The following OPRM1 variants were observed in gnomAD, a reference collection of about 807,000 sequenced individuals.
The protein encoded by OPRM1 is opioid receptor mu 1, also known as mu-type opioid receptor.
Under a neutral mutation model 31.8 loss-of-function variants are expected in OPRM1, and 27 were observed. The ratio of observed to expected loss-of-function variants is 0.85; its 90% confidence interval spans 0.63 to 1.17. OPRM1 has a LOEUF of 1.17. Ranked by LOEUF, OPRM1 falls within the 50% of genes most tolerant of loss-of-function variation. OPRM1 has a pLI of 0.00. For missense variants in OPRM1, 536 were observed against 511.1 expected (o/e 1.05, Z -0.47); for synonymous variants, 196 against 189.9 (o/e 1.03, Z -0.26).
At chr6:154,244,362 C>T (rs1344740867) in intron 3 of OPRM1, among the ~76,000 whole-genome samples, 1 of 151,204 alleles carries the variant, frequency 6.6e-6, no homozygotes, top group Non-Finnish European at 1.5e-5. Flanking sequence ...GAGAATTCCC[C>T]TACATACCAT....
At chr6:154,079,131 CTT>C (rs1788542406) in intron 1 of OPRM1, among the ~76,000 whole-genome samples, 1 of 152,144 alleles carries the variant, frequency 6.6e-6, no homozygotes, top group South Asian at 2.1e-4. Flanking sequence ...AGGAAAAACT[CTT>C]TATGGGGAAA....
At chr6:154,101,434 T>A (rs1794818344) in intron 3 of OPRM1, among the ~76,000 whole-genome samples, 1 of 152,222 alleles carries the variant, frequency 6.6e-6, no homozygotes, top group African/African-American at 2.4e-5. Context: ...ATAGAATTTT[T>A]AAATGCTTCA....
rs1410199785 is a variant in OPRM1, at chr6:154,099,296, GAAGGAAGGAAGA to G, written c.1164+7836_1164+7847del. Among the ~76,000 whole-genome samples the G allele has an allele frequency of 4.6e-3, 338 of 74,268 alleles. 1 individual carries two copies. The highest frequency in any genetic ancestry group is 9.7e-3 in the South Asian group (13 of 1,342). 48.7% of individuals were successfully genotyped at this position (74,268 alleles called of 152,430 possible). On this transcript the variant is annotated intron_variant, in intron 3 of 3. Transcript: ENST00000330432. ...TGAGAGTCTGTCGAAAGGAAGGAAG[GAAGGAAGGAAGA>G]AAGGAAGGAAGGAAGGAAGGAAGGG...
intron 3 of OPRM1, among the ~76,000 whole-genome samples, chr6:154,140,393 C>T (rs554830165): frequency 2.0e-4 from 31 of 151,558 alleles, no homozygotes; most frequent in African/African-American, 7.3e-4. Flanking sequence ...TGCAGTGGCA[C>T]GATCTCAGAT....
At chr6:154,017,713 A>G (rs1244449167) in intron 1 of OPRM1, among the ~76,000 whole-genome samples, 1 of 152,190 alleles carries the variant, frequency 6.6e-6, no homozygotes, top group Non-Finnish European at 1.5e-5. Context: ...TCGATTTCCC[A>G]TTCTGCTATT....
rs1429853784 is a variant in OPRM1 at position 154,122,039 on chromosome 6, ATACTGCAGAAGCTGATAC to A, written c.*3321_*3338del. Among the ~76,000 whole-genome samples the A allele has an allele frequency of 6.6e-6, 1 of 152,190 alleles. No homozygotes were observed. The highest frequency in any genetic ancestry group is 1.5e-5 in the Non-Finnish European group (1 of 68,026). On this transcript the variant is annotated 3_prime_UTR_variant, in exon 4 of 4. Transcript: ENST00000330432. Reference sequence around the variant, plus strand: ...GAAATTTCTCCAGCTTACGCCATGAATACTGCAGAAGCTGATACTATCCGTTGTGGTTTTACAAATTCT... The same window carrying A: ...GAAATTTCTCCAGCTTACGCCATGAATATCCGTTGTGGTTTTACAAATTCT...
At chr6:154,204,718 C>T (rs569675325) in intron 3 of OPRM1, among the ~76,000 whole-genome samples, 2 of 152,234 alleles carry the variant, frequency 1.3e-5, no homozygotes, top group Admixed American at 6.5e-5. Flanking sequence ...CTTATCAGTG[C>T]CCCCCATCCC....
At chr6:154,159,700 T>G in intron 3 of OPRM1, 1 of 710,078 alleles carries the variant, frequency 1.4e-6, no homozygotes, top group Non-Finnish European at 2.4e-6. Flanking sequence ...AACGTGCATC[T>G]TTAGATGGGA....
At chr6:154,203,819 C>A (rs1221787435) in intron 3 of OPRM1, among the ~76,000 whole-genome samples, 1 of 152,142 alleles carries the variant, frequency 6.6e-6, no homozygotes, top group Non-Finnish European at 1.5e-5. Flanking sequence ...TTGGCCAGAA[C>A]CAGCTTTGTG....
intron 3 of OPRM1, among the ~76,000 whole-genome samples, chr6:154,194,787 T>C (rs1776451099): frequency 1.3e-5 from 2 of 149,444 alleles, no homozygotes; most frequent in Non-Finnish European, 3.0e-5. Flanking sequence ...TGACAACTCA[T>C]AGAGATCTTT....
chr6:154,176,576 T>C (rs911217902), intron 3 of OPRM1, among the ~76,000 whole-genome samples: 3 of 151,960 alleles, frequency 2.0e-5, no homozygotes, highest in Non-Finnish European at 4.4e-5. Context: ...ATAATTACTA[T>C]AAAGAGAATA....
chr6:154,186,847 C>A (rs1003406381), intron 3 of OPRM1, among the ~76,000 whole-genome samples: 9 of 152,108 alleles, frequency 5.9e-5, no homozygotes, highest in Non-Finnish European at 1.3e-4. Context: ...TGAGCCACCA[C>A]GCCCGGCCCA....
chr6:154,044,660 A>C (rs1780752230), intron 1 of OPRM1, among the ~76,000 whole-genome samples: 1 of 152,222 alleles, frequency 6.6e-6, no homozygotes. Context: ...TAAATCGGTT[A>C]ATAAATTTAA....
chr6:154,244,297 G>GGGGTGT (rs1307383951), intron 3 of OPRM1, among the ~76,000 whole-genome samples: 8 of 76,898 alleles, frequency 1.0e-4, no homozygotes, highest in African/African-American at 4.1e-4. Context: ...TGTGTGTGTG[G>GGGGTGT]GTGGGTGTGT....
chr6:154,203,529 G>A (rs1777243249), intron 3 of OPRM1, among the ~76,000 whole-genome samples: 1 of 152,150 alleles, frequency 6.6e-6, no homozygotes, highest in African/African-American at 2.4e-5. Flanking sequence ...GCGTTTGTGG[G>A]ATGCAGGATG....
rs545858754 is a variant in OPRM1, at chr6:154,236,179, T to C, written c.1165-10514T>C. 6.6e-5 allele frequency among the ~76,000 whole-genome samples: 10 copies of C among 152,266 alleles called. No individual in the cohort carries two copies. The South Asian group carries it at 8.3e-4, about 13-fold the overall frequency. On this transcript the variant is annotated intron_variant, in intron 3 of 3. Transcript: ENST00000337049. Reference sequence around the variant, plus strand: ...AACAAATATGAGTCAATAAACAAAATGTGGTACACACATCAAGGGGATAAG... The same window carrying C: ...AACAAATATGAGTCAATAAACAAAACGTGGTACACACATCAAGGGGATAAG...
chr6:154,078,720 A>T (rs1456764456), intron 1 of OPRM1, among the ~76,000 whole-genome samples: 3 of 152,150 alleles, frequency 2.0e-5, no homozygotes, highest in Admixed American at 6.5e-5. Flanking sequence ...TCTACAAAAA[A>T]TACAAAAGAT....
chr6:154,113,938 T>C (rs894242366), intron 3 of OPRM1, among the ~76,000 whole-genome samples: 1 of 152,098 alleles, frequency 6.6e-6, no homozygotes, highest in African/African-American at 2.4e-5. Flanking sequence ...TGGCGAGTGG[T>C]GCCAGGGAAG....
intron 1 of OPRM1, among the ~76,000 whole-genome samples, chr6:154,024,087 A>G (rs1778544631): frequency 1.3e-5 from 2 of 151,872 alleles, no homozygotes; most frequent in South Asian, 4.1e-4. Flanking sequence ...CTCCTCCTCT[A>G]TTTTTCAGAA....
Sources: allele counts gnomAD v4.1 joint callset (sites outside exome capture counted in the v4.1 genomes callset), GRCh38; gene constraint gnomAD v4.1.1; transcripts MANE v1.5; gene names NCBI Gene and HGNC (gene_info 2026-07-23, HGNC 2026-07-21).